The following DDR2 variants were observed in gnomAD, a reference collection of about 807,000 sequenced individuals.
DDR2 encodes the protein discoidin domain-containing receptor 2.
Under a neutral mutation model 94.9 loss-of-function variants are expected in DDR2, and 27 were observed. The observed-to-expected ratio is 0.28, with a 90% CI of 0.21 to 0.39. The LOEUF is 0.39. Among genes scored for constraint, DDR2 ranks in the 10% least tolerant of loss-of-function variants. The pLI, the probability that DDR2 is intolerant of heterozygous loss-of-function variation, is 1.00. For missense variants in DDR2, 783 were observed against 1,076.0 expected (o/e 0.73, Z 3.81); for synonymous variants, 382 against 377.2 (o/e 1.01, Z -0.15).
rs188940128 is a variant in DDR2, at chr1:162,697,788, A to G, written c.-27-21249A>G. Among the ~76,000 whole-genome samples, 78 of 152,268 alleles carry G rather than the reference A, an allele frequency of 5.1e-4. 1 individual carries two copies. The highest frequency in any genetic ancestry group is 3.4e-3 in the Middle Eastern group (1 of 294). On this transcript the variant is annotated intron_variant, in intron 2 of 17. Coordinates refer to ENST00000367921, the MANE Select transcript of DDR2 (RefSeq NM_006182.4). ...CTCTTGGAAAGGATCCTATTTTTCTATGAGAAAACTGAGGCTTGAGTGTTA... is the reference window on the plus strand; with the variant it reads ...CTCTTGGAAAGGATCCTATTTTTCTGTGAGAAAACTGAGGCTTGAGTGTTA...
At chr1:162,767,764 T>C (rs1281727955) in intron 11 of DDR2, among the ~76,000 whole-genome samples, 1 of 151,972 alleles carries the variant, frequency 6.6e-6, no homozygotes, top group Non-Finnish European at 1.5e-5. Context: ...CTGATAATGC[T>C]GTTGAAGTTC....
In DDR2 at chr1:162,752,721, T is replaced by C. The variant is rs539543116; in HGVS notation, c.83-374T>C. On this transcript the variant is annotated intron_variant, in intron 3 of 17. Transcript: ENST00000367921. ...TAAAGGCGCCTGGTGATTATGAGGG[T>C]TCCTCACTACTGTCAGGAAATTGAT... 1.3e-4 allele frequency among the ~76,000 whole-genome samples: 20 copies of C among 152,216 alleles called. No homozygotes were observed. The South Asian group carries it at 3.9e-3, about 30-fold the overall frequency.
chr1:162,768,306 C>T (rs1371821399), intron 11 of DDR2, among the ~76,000 whole-genome samples: 1 of 152,168 alleles, frequency 6.6e-6, no homozygotes, highest in Non-Finnish European at 1.5e-5. Context: ...TCTTTTGGGG[C>T]CTGCTGACGA....
In DDR2 at chr1:162,785,660, A is replaced by T. The variant is rs997938001; in HGVS notation, c.*5414A>T. The T allele has an allele frequency of 6.6e-6, 1 of 152,246 alleles. No individual in the cohort carries two copies. The highest frequency in any genetic ancestry group is 2.4e-5 in the African/African-American group (1 of 41,472). 9.4% of individuals were successfully genotyped at this position (152,246 alleles called of 1,614,324 possible). ...GAATGTTGTTTTTTTGAATGAACATAAGATAGAAACAAAAACTTCTCATCC... is the reference window on the plus strand; with the variant it reads ...GAATGTTGTTTTTTTGAATGAACATTAGATAGAAACAAAAACTTCTCATCC... On this transcript the variant is annotated 3_prime_UTR_variant, in exon 18 of 18. Coordinates refer to ENST00000367921, the MANE Select transcript of DDR2 (RefSeq NM_006182.4).
At chr1:162,696,539 C>T (rs766599178) in intron 2 of DDR2, among the ~76,000 whole-genome samples, 6 of 151,946 alleles carry the variant, frequency 3.9e-5, no homozygotes, top group Non-Finnish European at 5.9e-5. Context: ...GCTTGAGCCT[C>T]TGGCTTTCAT....
rs183431356 is a variant in DDR2 at position 162,643,598 on chromosome 1, A to T, written c.-192+10967A>T. The stretch of plus-strand genomic sequence containing the variant: ...CCGGCTCAGGTGATTCTCCTGCCTC[A>T]GCCTTCCGAGTAGCTGGGATTACAG... On this transcript the variant is annotated intron_variant, in intron 1 of 17. Transcript: ENST00000367921. Among the ~76,000 whole-genome samples, 21 of 152,190 alleles carry T rather than the reference A, an allele frequency of 1.4e-4. No homozygotes were observed. In the East Asian group the frequency reaches 2.1e-3, roughly 15 times the overall value.
chr1:162,761,099 G>A (rs1424313088), intron 8 of DDR2, 112 bp from the exon 9 acceptor site: 46 of 1,493,060 alleles, frequency 3.1e-5, no homozygotes, highest in Non-Finnish European at 4.3e-5. Context: ...TCTTACCTCA[G>A]TTCAGAATAG....
chr1:162,759,770 T>G, intron 7 of DDR2, 26 bp from the exon 8 acceptor site: 1 of 1,613,152 alleles, frequency 6.2e-7, no homozygotes, highest in Non-Finnish European at 8.5e-7. Context: ...TCTCTCCTTT[T>G]CCTCCTCTTC....
chr1:162,745,552 G>A (rs1382298515), intron 3 of DDR2, among the ~76,000 whole-genome samples: 1 of 151,744 alleles, frequency 6.6e-6, no homozygotes, highest in Non-Finnish European at 1.5e-5. Context: ...TGGATATCCA[G>A]TTTTCCCAAC....
chr1:162,649,120 G>T (rs911798230), intron 1 of DDR2, among the ~76,000 whole-genome samples: 2 of 152,058 alleles, frequency 1.3e-5, no homozygotes, highest in Non-Finnish European at 2.9e-5. Flanking sequence ...AAATCTGTGG[G>T]TTTTAAGTAG....
chr1:162,754,887 T>C (rs775480446), intron 5 of DDR2, 32 bp downstream of exon 5: 15 of 1,612,016 alleles, frequency 9.3e-6, no homozygotes, highest in Non-Finnish European at 1.3e-5. Context: ...ATCCTGGATG[T>C]CCAAGACCAT....
chr1:162,768,566 G>A (rs1027887443), intron 11 of DDR2, among the ~76,000 whole-genome samples: 1 of 152,204 alleles, frequency 6.6e-6, no homozygotes, highest in African/African-American at 2.4e-5. Context: ...GAATGGGCTT[G>A]AGTCTCTAGA....
intron 3 of DDR2, among the ~76,000 whole-genome samples, chr1:162,744,165 T>C (rs972954503): frequency 6.6e-6 from 1 of 152,204 alleles, no homozygotes; most frequent in Non-Finnish European, 1.5e-5. Context: ...TGTAAAAACA[T>C]TTAATGAGAC....
At chr1:162,709,465 T>C (rs1208946819) in intron 2 of DDR2, among the ~76,000 whole-genome samples, 1 of 152,206 alleles carries the variant, frequency 6.6e-6, no homozygotes, top group African/African-American at 2.4e-5. Flanking sequence ...CTTTGCTTTT[T>C]GGGCTGCCTT....
At chr1:162,712,219 C>G (rs1436571728) in intron 2 of DDR2, among the ~76,000 whole-genome samples, 2 of 147,852 alleles carry the variant, frequency 1.4e-5, no homozygotes, top group East Asian at 3.9e-4. Flanking sequence ...CCCACATATT[C>G]CTGGCTCATC....
intron 3 of DDR2, among the ~76,000 whole-genome samples, chr1:162,736,700 C>T (rs1662315094): frequency 6.6e-6 from 1 of 152,200 alleles, no homozygotes; most frequent in African/African-American, 2.4e-5. Context: ...GCCAGTTAAA[C>T]TATGACACTA....
At chr1:162,757,239 A>G (rs1663506130) in intron 7 of DDR2, among the ~76,000 whole-genome samples, 1 of 152,238 alleles carries the variant, frequency 6.6e-6, no homozygotes, top group Non-Finnish European at 1.5e-5. Context: ...ATAAATTGCT[A>G]TGCACATATA....
In DDR2 at chr1:162,747,003, C is replaced by G. The variant is rs987241004; in HGVS notation, c.83-6092C>G. Among the ~76,000 whole-genome samples, 4 of 152,138 alleles carry G rather than the reference C, an allele frequency of 2.6e-5. No individual in the cohort carries two copies. In the South Asian group the frequency reaches 8.3e-4, roughly 31 times the overall value. On this transcript the variant is annotated intron_variant, in intron 3 of 17. Coordinates refer to ENST00000367921, the MANE Select transcript of DDR2 (RefSeq NM_006182.4). ...AAAAAGGACATCCACACCAAAGCCC[C>G]ATCTGTAGGTCACCATCATCAAAGA...
intron 2 of DDR2, among the ~76,000 whole-genome samples, chr1:162,709,391 T>C (rs1324780674): frequency 6.6e-6 from 1 of 152,202 alleles, no homozygotes; most frequent in Non-Finnish European, 1.5e-5. Flanking sequence ...AGAGAACAAG[T>C]GCTAGGCTGG....
Sources: allele counts gnomAD v4.1 joint callset (sites outside exome capture counted in the v4.1 genomes callset), GRCh38; gene constraint gnomAD v4.1.1; transcripts MANE v1.5; gene names NCBI Gene and HGNC (gene_info 2026-07-23, HGNC 2026-07-21).